Variants in TRAK1 observed in about 807,000 individuals in gnomAD.
The protein encoded by TRAK1 is trafficking kinesin-binding protein 1.
In TRAK1, 33 loss-of-function variants were observed where a neutral mutation model predicts 92.1. The ratio of observed to expected loss-of-function variants is 0.36; its 90% CI spans 0.27 to 0.48. The LOEUF (loss-of-function observed/expected upper bound fraction) is 0.48, where lower values mean the gene tolerates loss of function less well. Ranked by LOEUF, TRAK1 falls within the 20% of genes least tolerant of loss-of-function variation. TRAK1 has a pLI of 0.99. For synonymous variants in TRAK1, 521 were observed against 517.3 expected (o/e 1.01, Z -0.10); for missense variants, 1,123 against 1,257.9 (o/e 0.89, Z 1.62).
At chr3:42,196,900 C>T (rs1315063606) in intron 10 of TRAK1, among the ~76,000 whole-genome samples, 2 of 151,750 alleles carry the variant, frequency 1.3e-5, no homozygotes, top group African/African-American at 4.8e-5. Flanking sequence ...AGATGCTGAT[C>T]TCCACTTCAA....
chr3:42,118,581 G>A (rs1427434041), intron 1 of TRAK1, among the ~76,000 whole-genome samples: 1 of 152,184 alleles, frequency 6.6e-6, no homozygotes, highest in African/African-American at 2.4e-5. Flanking sequence ...CTGCAGGTGA[G>A]GATCTAGCCC....
chr3:42,072,453 T>C (rs1297075095), intron 1 of TRAK1, among the ~76,000 whole-genome samples: 1 of 152,184 alleles, frequency 6.6e-6, no homozygotes, highest in African/African-American at 2.4e-5. Flanking sequence ...TTAGCCTGGT[T>C]TCCTGTGGCA....
rs1708994568 is a variant in TRAK1, at chr3:42,211,253, A to G, written c.1963+1268A>G. ...CCCATTCCCCTGGCTAATTTCAGAC[A>G]GCTGTGGTCAAGGGATTTTACTTGG... On this transcript the variant is annotated intron_variant, in intron 14 of 15. Coordinates refer to ENST00000327628, the MANE Select transcript of TRAK1 (RefSeq NM_001042646.3). 3.0e-6 allele frequency: 3 copies of G among 985,220 alleles called. No homozygotes were observed. In the South Asian group the frequency reaches 1.4e-4, roughly 46 times the overall value. 61.0% of individuals were successfully genotyped at this position (985,220 alleles called of 1,614,324 possible).
intron 4 of TRAK1, among the ~76,000 whole-genome samples, chr3:42,186,513 T>C (rs1704881266): frequency 6.6e-6 from 1 of 152,208 alleles, no homozygotes. Flanking sequence ...TTAGGAGAAA[T>C]AAAGTGATTC....
chr3:42,069,012 T>C (rs1703797113), intron 1 of TRAK1, among the ~76,000 whole-genome samples: 1 of 152,122 alleles, frequency 6.6e-6, no homozygotes, highest in South Asian at 2.1e-4. Context: ...TGTGTAGTCA[T>C]GGTTAGGAAA....
intron 10 of TRAK1, among the ~76,000 whole-genome samples, chr3:42,197,297 A>G (rs574200229): frequency 3.7e-4 from 56 of 152,304 alleles, no homozygotes; most frequent in Non-Finnish European, 6.3e-4. Context: ...AGTCTCTGAT[A>G]TAAAAGGGCA....
Position 42,110,114 on chromosome 3 carries a change from A to G in TRAK1, c.92-15306A>G, listed in dbSNP as rs1482016684. On this transcript the variant is annotated intron_variant, in intron 1 of 15. Transcript: ENST00000327628. ...TTAAAGTATATATATATATATATAT[A>G]TATATATATATATATATAAACTTTG... 3.9e-4 allele frequency among the ~76,000 whole-genome samples: 52 copies of G among 134,524 alleles called. 1 individual carries two copies. Among genetic ancestry groups the G allele is most frequent in the Non-Finnish European group, 6.8e-4 (43 of 63,300 alleles). 88.3% of individuals were successfully genotyped at this position (134,524 alleles called of 152,430 possible). A position where few individuals can be genotyped will look rare whatever the true frequency, so the allele number is the denominator to read the frequency against.
At chr3:42,127,822 G>A (rs1710786059) in intron 2 of TRAK1, among the ~76,000 whole-genome samples, 1 of 152,142 alleles carries the variant, frequency 6.6e-6, no homozygotes, top group Non-Finnish European at 1.5e-5. Context: ...AGGTGAAATG[G>A]ATGTGTGAAA....
chr3:42,140,383 A>G (rs1430989836), intron 2 of TRAK1, among the ~76,000 whole-genome samples: 1 of 152,140 alleles, frequency 6.6e-6, no homozygotes, highest in Non-Finnish European at 1.5e-5. Context: ...TAATCCCAGC[A>G]TTTTGGGAGG....
chr3:42,092,390 T>C (rs1218020568), intron 1 of TRAK1, among the ~76,000 whole-genome samples: 1 of 152,204 alleles, frequency 6.6e-6, no homozygotes, highest in Admixed American at 6.5e-5. Context: ...GTAAATCTTA[T>C]TGAATAAGCC....
At chr3:42,143,935 T>C (rs1699012425) in intron 2 of TRAK1, among the ~76,000 whole-genome samples, 1 of 152,068 alleles carries the variant, frequency 6.6e-6, no homozygotes. Flanking sequence ...TGCTTGAAGC[T>C]CGTAAAAATC....
At chr3:42,100,945 G>A (rs1706665980) in intron 1 of TRAK1, among the ~76,000 whole-genome samples, 1 of 152,252 alleles carries the variant, frequency 6.6e-6, no homozygotes, top group Non-Finnish European at 1.5e-5. Context: ...TGGGATTACA[G>A]GCGTGAGCCA....
upstream of TRAK1, among the ~76,000 whole-genome samples, chr3:42,013,558 G>C (rs1313272613): frequency 6.6e-6 from 1 of 150,804 alleles, no homozygotes; most frequent in Non-Finnish European, 1.5e-5. This position sits in a 1 kb window ranked among gnomAD's most constrained non-coding sequence, Gnocchi z 5.1. Flanking sequence ...GTGGCGGCGC[G>C]GGGCGGCGGG....
chr3:42,193,159 C>T lies in TRAK1; in HGVS notation c.854C>T (p.Thr285Ile). The T allele has an allele frequency of 6.2e-7, 1 of 1,614,218 alleles. No homozygotes were observed. Among genetic ancestry groups the T allele is most frequent in the Non-Finnish European group, 8.5e-7 (1 of 1,180,010 alleles). The change falls in exon 8 of 16, where the codon ACA (threonine) becomes ATA (isoleucine). Residue 285 changes from threonine (T) to isoleucine (I), a missense_variant. Coordinates refer to ENST00000327628, the MANE Select transcript of TRAK1 (RefSeq NM_001042646.3). ...EDAARQQEEI[T>I]HLLSQIVDLQ... ...GCTGCCCGCCAGCAAGAGGAGATCA[C>T]ACACCTGCTATCGCAAATAGTTGAT... is the stretch of plus-strand genomic sequence containing the variant.
chr3:42,092,678 A>G (rs371186434), intron 1 of TRAK1, among the ~76,000 whole-genome samples: 5 of 102,378 alleles, frequency 4.9e-5, no homozygotes, highest in East Asian at 5.1e-4. Context: ...TGTTCCTTTT[A>G]TTTTGTTGTG....
intron 2 of TRAK1, among the ~76,000 whole-genome samples, chr3:42,169,020 C>T: frequency 6.6e-6 from 1 of 152,170 alleles, no homozygotes; most frequent in Non-Finnish European, 1.5e-5. Flanking sequence ...GATGAGGTTT[C>T]ACCATGTTGG....
rs1424347828 is a variant in TRAK1, at chr3:42,224,560, C to T, written c.*823C>T. ...GGTAGTGTATGTTTTCTATGTGGTT[C>T]AAATATGAATTTCGAACACACCAAG... On this transcript the variant is annotated 3_prime_UTR_variant, in exon 16 of 16. Transcript: ENST00000327628. The T allele has an allele frequency of 6.5e-6, 1 of 153,328 alleles. No homozygotes were observed. Among genetic ancestry groups the T allele is most frequent in the Non-Finnish European group, 1.4e-5 (1 of 68,996 alleles). 9.5% of individuals were successfully genotyped at this position (153,328 alleles called of 1,614,324 possible).
chr3:42,091,458 T>A lies in TRAK1; in HGVS notation c.-12T>A, dbSNP rs1478099331. On this transcript the variant is annotated 5_prime_UTR_variant, in exon 1 of 16. Coordinates refer to ENST00000327628, the MANE Select transcript of TRAK1 (RefSeq NM_001042646.3). ...CTGTTCTCTGAAGTGCCTTTGGAGT[T>A]TATGTCTGCACATGGCATTGGTTTT... 1.2e-6 allele frequency: 2 copies of A among 1,613,098 alleles called. No homozygotes were observed. The highest frequency in any genetic ancestry group is 2.7e-5 in the African/African-American group (2 of 74,894).
intron 1 of TRAK1, among the ~76,000 whole-genome samples, chr3:42,122,558 C>T (rs906096694): frequency 2.0e-5 from 3 of 152,162 alleles, no homozygotes; most frequent in African/African-American, 7.2e-5. Flanking sequence ...GACTAGGTGT[C>T]AGCCCTGTTT....
Sources: gnomAD v4.1 joint callset for allele counts (sites outside exome capture counted in the v4.1 genomes callset) on GRCh38, gnomAD v4.1.1 for gene constraint, Gnocchi (gnomAD v3.1) non-coding constraint, MANE v1.5 for transcripts, NCBI Gene and HGNC (gene_info 2026-07-23, HGNC 2026-07-21) for gene names.